LRIF1: variants seen among roughly 807,000 people sequenced by gnomAD.
The protein encoded by LRIF1 is ligand-dependent nuclear receptor-interacting factor 1.
Under a neutral mutation model 52.7 loss-of-function variants are expected in LRIF1, and 32 were observed. The observed-to-expected ratio is 0.61, with a 90% CI of 0.46 to 0.82. The LOEUF is 0.82. Ranked by LOEUF, LRIF1 falls within the 40% of genes least tolerant of loss-of-function variation. LRIF1 has a pLI of 0.00. For missense variants in LRIF1, 887 were observed against 892.0 expected (o/e 0.99, Z 0.07); for synonymous variants, 323 against 317.4 (o/e 1.02, Z -0.19).
chr1:110,942,377 A>AT (rs1423631087), downstream of LRIF1: 1 of 151,876 alleles, frequency 6.6e-6, no homozygotes, highest in East Asian at 1.9e-4. Context: ...GGTCATTTTT[A>AT]TTTTTTTAGG....
At chr1:110,960,792 T>C (rs2101124013) in intron 1 of LRIF1, among the ~76,000 whole-genome samples, 1 of 152,314 alleles carries the variant, frequency 6.6e-6, no homozygotes, top group South Asian at 2.1e-4. Flanking sequence ...CAACCCCTAC[T>C]GTACTGTACC....
the LRIF1 span, chr1:110,896,728 G>C: frequency 6.2e-7 from 1 of 1,612,424 alleles, no homozygotes; most frequent in Non-Finnish European, 8.5e-7. Flanking sequence ...AGATCGAAAA[G>C]TGGAGGTAAT....
Position 110,952,212 on chromosome 1 carries a change from G to A in LRIF1, c.672C>T (p.Ser224=). The change falls in exon 2 of 4, where the codon TCC becomes TCT. Residue 224 remains serine, a synonymous_variant. Coordinates refer to ENST00000369763, the MANE Select transcript of LRIF1 (RefSeq NM_018372.4). ...TTSTSGMVEA[S]QMPTVIYVSP... ...ATACATAAATAACGGTTGGCATTTG[G>A]GAGGCCTCAACCATTCCTGAGGTAC... 5.6e-6 allele frequency: 9 copies of A among 1,614,138 alleles called. No homozygotes were observed. Among genetic ancestry groups the A allele is most frequent in the Non-Finnish European group, 7.6e-6 (9 of 1,180,024 alleles).
At chr1:110,924,768 T>A in the LRIF1 span, among the ~76,000 whole-genome samples, 1 of 152,182 alleles carries the variant, frequency 6.6e-6, no homozygotes, top group Non-Finnish European at 1.5e-5. Flanking sequence ...AAAGAAAAAT[T>A]ATAGCCATTC....
At chr1:110,942,156 T>C in the LRIF1 span, 1 of 152,122 alleles carries the variant, frequency 6.6e-6, no homozygotes, top group African/African-American at 2.4e-5. Flanking sequence ...TTCCAATACT[T>C]TGCAACTAAG....
chr1:110,950,003 T>A lies in LRIF1; in HGVS notation c.1717A>T (p.Ile573Leu). The A allele has an allele frequency of 6.2e-7, 1 of 1,614,138 alleles. No individual in the cohort carries two copies. The highest frequency in any genetic ancestry group is 8.5e-7 in the Non-Finnish European group (1 of 1,180,014). Reference protein sequence around the residue: ...HLKSDAEFKKIFGLTKDLRVC... With the variant: ...HLKSDAEFKKLFGLTKDLRVC... Reference sequence around the variant, plus strand: ...CTCAAATCCTTAGTAAGGCCAAATATCTTTTTAAATTCAGCATCACTCTTC... The same window carrying A: ...CTCAAATCCTTAGTAAGGCCAAATAACTTTTTAAATTCAGCATCACTCTTC... Residue 573 changes from isoleucine to leucine, a missense_variant, in exon 3 of 4, where the codon ATA becomes TTA. Ile to Leu is a conservative substitution (Grantham distance 5, BLOSUM62 2). Coordinates refer to ENST00000369763, the MANE Select transcript of LRIF1 (RefSeq NM_018372.4).
chr1:110,958,643 T>A (rs754089409), intron 1 of LRIF1, among the ~76,000 whole-genome samples: 1 of 152,140 alleles, frequency 6.6e-6, no homozygotes, highest in Non-Finnish European at 1.5e-5. Context: ...TTTCCCTCTC[T>A]TTTCCTCTAT....
chr1:110,898,207 C>T, the LRIF1 span, among the ~76,000 whole-genome samples: 1 of 151,984 alleles, frequency 6.6e-6, no homozygotes, highest in South Asian at 2.1e-4. Context: ...GAAACCCCGT[C>T]TCTACTAAAA....
the LRIF1 span, among the ~76,000 whole-genome samples, chr1:110,922,254 A>T: frequency 1.0e-3 from 155 of 152,332 alleles, 1 homozygote; most frequent in African/African-American, 3.6e-3. Flanking sequence ...TGCCCTCATG[A>T]ATTGATTAAT....
the LRIF1 span, among the ~76,000 whole-genome samples, chr1:110,875,091 A>G: frequency 2.0e-5 from 3 of 152,186 alleles, no homozygotes; most frequent in East Asian, 3.8e-4. Flanking sequence ...AACTGCCTAG[A>G]GAGGTGACTG....
chr1:110,897,533 G>A, the LRIF1 span: 26 of 290,668 alleles, frequency 8.9e-5, no homozygotes, highest in South Asian at 1.7e-3. Context: ...GTCGGTTGCT[G>A]ACCTGCCTCT....
chr1:110,885,524 C>A, the LRIF1 span, among the ~76,000 whole-genome samples: 1 of 151,354 alleles, frequency 6.6e-6, no homozygotes, highest in African/African-American at 2.4e-5. Flanking sequence ...GGCGACAGAG[C>A]GAGACTCTGT....
chr1:110,932,414 C>T, the LRIF1 span, among the ~76,000 whole-genome samples: 18 of 152,118 alleles, frequency 1.2e-4, no homozygotes, highest in South Asian at 2.9e-3. Context: ...AGTCAGGTAG[C>T]GTGATGCCTC....
rs1658505786 is a variant in LRIF1 at position 110,952,124 on chromosome 1, C to G, written c.760G>C (p.Val254Leu). ...KNFQNIYPKP[V>L]TEIAKPVILN... Reference sequence around the variant, plus strand: ...ATTACTGGCTTTGCTATTTCTGTAACAGGTTTTGGGTAAATGTTTTGAAAG... The same window carrying G: ...ATTACTGGCTTTGCTATTTCTGTAAGAGGTTTTGGGTAAATGTTTTGAAAG... The change falls in exon 2 of 4, where the codon GTT becomes CTT. Residue 254 changes from valine (V) to leucine (L), a missense_variant. Coordinates refer to ENST00000369763, the MANE Select transcript of LRIF1 (RefSeq NM_018372.4). The G allele has an allele frequency of 6.2e-7, 1 of 1,613,954 alleles. No homozygotes were observed. Among genetic ancestry groups the G allele is most frequent in the Admixed American group, 1.7e-5 (1 of 59,978 alleles).
the LRIF1 span, chr1:110,897,763 G>T: frequency 8.8e-7 from 1 of 1,139,994 alleles, no homozygotes; most frequent in South Asian, 1.3e-5. Context: ...CTCTTGATAT[G>T]GTGGAATTAT....
chr1:110,902,276 C>G, the LRIF1 span, among the ~76,000 whole-genome samples: 1 of 152,132 alleles, frequency 6.6e-6, no homozygotes, highest in Non-Finnish European at 1.5e-5. Context: ...ATGGCTCACT[C>G]TTAGCTCTCC....
chr1:110,887,814 A>C, the LRIF1 span, among the ~76,000 whole-genome samples: 4 of 152,212 alleles, frequency 2.6e-5, no homozygotes, highest in African/African-American at 7.2e-5. Flanking sequence ...TGCAGGTGCT[A>C]ATCAGGACTC....
At chr1:110,914,748 G>A in the LRIF1 span, among the ~76,000 whole-genome samples, 12 of 152,116 alleles carry the variant, frequency 7.9e-5, 1 homozygote, top group South Asian at 2.1e-3. Flanking sequence ...GCCAGAATCC[G>A]TCTCTAAAAA....
At chr1:110,926,477 A>G in the LRIF1 span, among the ~76,000 whole-genome samples, 1 of 152,142 alleles carries the variant, frequency 6.6e-6, no homozygotes, top group Middle Eastern at 3.4e-3. Flanking sequence ...TTAGAGTTAT[A>G]TATTACACTT....
Sources: allele counts gnomAD v4.1 joint callset (sites outside exome capture counted in the v4.1 genomes callset), GRCh38; gene constraint gnomAD v4.1.1; transcripts MANE v1.5; gene names NCBI Gene and HGNC (gene_info 2026-07-23, HGNC 2026-07-21).